DIP2A: variants seen among roughly 807,000 people sequenced by gnomAD.
DIP2A encodes disco-interacting protein 2 homolog A.
DIP2A carries 85 observed loss-of-function variants against 177.4 expected under a neutral mutation model. The ratio of observed to expected loss-of-function variants is 0.48; its 90% CI spans 0.40 to 0.57. DIP2A has a LOEUF of 0.57. Ranked by LOEUF, DIP2A falls within the 20% of genes least tolerant of loss-of-function variation. The pLI is 0.00. For missense variants in DIP2A, 1,791 were observed against 2,100.2 expected (o/e 0.85, Z 2.88); for synonymous variants, 886 against 881.8 (o/e 1.00, Z -0.08).
intron 3 of DIP2A, among the ~76,000 whole-genome samples, chr21:46,495,244 T>TTCTCTCTCTCTCTCTCTCTCTCTCTCTC (rs371550332): frequency 2.6e-5 from 1 of 38,176 alleles, no homozygotes; most frequent in Non-Finnish European, 4.9e-5. Context: ...CTTCTCTTCT[T>TTCTCTCTCTCTCTCTCTCTCTCTCTCTC]TCTCTCTCTC....
chr21:46,548,627 G>A (rs141677741), intron 21 of DIP2A, among the ~76,000 whole-genome samples: 41 of 152,358 alleles, frequency 2.7e-4, no homozygotes, highest in African/African-American at 9.9e-4. Flanking sequence ...AAGGTGGAAA[G>A]TCAGATTAGG....
At chr21:46,475,936 T>C (rs1294183148) in intron 1 of DIP2A, among the ~76,000 whole-genome samples, 3 of 152,170 alleles carry the variant, frequency 2.0e-5, no homozygotes, top group African/African-American at 7.2e-5. Flanking sequence ...ATATTATGTT[T>C]TAAAAATTAT....
chr21:46,582,526 A>C, the DIP2A span, among the ~76,000 whole-genome samples: 1 of 152,186 alleles, frequency 6.6e-6, no homozygotes, highest in African/African-American at 2.4e-5. Context: ...CAGGTAGCAC[A>C]ATCAGTCACT....
Position 46,566,636 on chromosome 21 carries a change from C to A in DIP2A, c.4416C>A (p.Ile1472=). ...TCAGAGGCATGCGGTACCACCCCATCGACATTGAGACCTCTGTCATCCGAG... is the reference window on the plus strand; with the variant it reads ...TCAGAGGCATGCGGTACCACCCCATAGACATTGAGACCTCTGTCATCCGAG... ...LELRGMRYHP[I]DIETSVIRAH... is the part of the protein sequence containing the mutation. The change falls in exon 37 of 38, where the codon ATC becomes ATA. Residue 1472 remains isoleucine, a synonymous_variant. Coordinates refer to ENST00000417564, the MANE Select transcript of DIP2A (RefSeq NM_015151.4). 6.2e-7 allele frequency: 1 copy of A among 1,614,218 alleles called. No individual in the cohort carries two copies. The highest frequency in any genetic ancestry group is 8.5e-7 in the Non-Finnish European group (1 of 1,180,030).
chr21:46,493,887 TC>T (rs1169657479), intron 3 of DIP2A, among the ~76,000 whole-genome samples: 1 of 152,172 alleles, frequency 6.6e-6, no homozygotes, highest in African/African-American at 2.4e-5. Flanking sequence ...ATAGTCGAGC[TC>T]CAGAAATTCT....
At chr21:46,558,590 G>C in intron 32 of DIP2A, 197 bp downstream of exon 32, 1 of 618,968 alleles carries the variant, frequency 1.6e-6, no homozygotes, top group Middle Eastern at 2.6e-4. Context: ...TTGGAGAAAG[G>C]CTTATTTGGA....
chr21:46,467,218 C>G (rs1191993808), intron 1 of DIP2A, among the ~76,000 whole-genome samples: 2 of 148,988 alleles, frequency 1.3e-5, no homozygotes, highest in Non-Finnish European at 3.0e-5. Context: ...ATGGCGTGAA[C>G]CTGGGAGGCG....
intron 1 of DIP2A, among the ~76,000 whole-genome samples, chr21:46,479,760 T>C (rs1165739288): frequency 6.6e-6 from 1 of 152,182 alleles, no homozygotes; most frequent in Non-Finnish European, 1.5e-5. Context: ...TTCTAACTCT[T>C]GGGCTCAAGC....
intron 22 of DIP2A, 184 bp downstream of exon 22, chr21:46,550,069 G>T: frequency 7.2e-7 from 1 of 1,393,924 alleles, no homozygotes; most frequent in Non-Finnish European, 9.4e-7. Context: ...ACAAAGTGAT[G>T]TTATAATTTA....
rs1023698646 is a variant in DIP2A at position 46,556,835 on chromosome 21, C to G, written c.3499-104C>G. On this transcript the variant is annotated intron_variant, in intron 29 of 37. Coordinates refer to ENST00000417564, the MANE Select transcript of DIP2A (RefSeq NM_015151.4). The surrounding 1 kb of genome is among the most constrained non-coding windows in gnomAD (Gnocchi z 4.5). ...GAAATAAATATGATGTTTGGTAGTT[C>G]GGAGCTATGGTCTAGCCATGTGAAC... The G allele has an allele frequency of 9.9e-6, 10 of 1,014,878 alleles. No homozygotes were observed. Among genetic ancestry groups the G allele is most frequent in the Non-Finnish European group, 1.2e-5 (9 of 723,474 alleles). The allele number at this position is 1,014,878 out of a possible 1,614,324, so 62.9% of individuals were successfully genotyped here.
chr21:46,486,573 A>T (rs900945852), intron 2 of DIP2A, among the ~76,000 whole-genome samples: 1 of 152,218 alleles, frequency 6.6e-6, no homozygotes, highest in African/African-American at 2.4e-5. Flanking sequence ...ATGGATGAAG[A>T]TTCAAATAGG....
At chr21:46,579,360 C>A in the DIP2A span, among the ~76,000 whole-genome samples, 1 of 152,062 alleles carries the variant, frequency 6.6e-6, no homozygotes, top group African/African-American at 2.4e-5. Context: ...CTTTGTCTAG[C>A]TAGCAGTCTA....
In DIP2A at chr21:46,537,439, C is replaced by T; in HGVS notation, c.1708-7C>T. On this transcript the variant is annotated splice_polypyrimidine_tract_variant and splice_region_variant and intron_variant, in intron 14 of 37. Coordinates refer to ENST00000417564, the MANE Select transcript of DIP2A (RefSeq NM_015151.4). The surrounding 1 kb of genome is among the most constrained non-coding windows in gnomAD (Gnocchi z 4.1). Reference sequence around the variant, plus strand: ...CACTCGCCCTAAGCATGTGTGCTCCCCCACAGAGCGTCATGAACAGGATGC... The same window carrying T: ...CACTCGCCCTAAGCATGTGTGCTCCTCCACAGAGCGTCATGAACAGGATGC... The T allele has an allele frequency of 6.2e-7, 1 of 1,614,088 alleles. No homozygotes were observed. The highest frequency in any genetic ancestry group is 8.5e-7 in the Non-Finnish European group (1 of 1,179,970).
chr21:46,467,797 T>C (rs1487360056), intron 1 of DIP2A, among the ~76,000 whole-genome samples: 2 of 152,084 alleles, frequency 1.3e-5, no homozygotes, highest in East Asian at 1.9e-4. Context: ...GTACAAAATT[T>C]TGATTTCTAA....
chr21:46,520,107 C>T (rs1416247837), intron 8 of DIP2A, among the ~76,000 whole-genome samples: 1 of 151,978 alleles, frequency 6.6e-6, no homozygotes, highest in Non-Finnish European at 1.5e-5. Context: ...ATCTCCTGAC[C>T]TTGTGATACA....
chr21:46,581,704 G>T, the DIP2A span, among the ~76,000 whole-genome samples: 1 of 152,056 alleles, frequency 6.6e-6, no homozygotes, highest in Admixed American at 6.6e-5. Context: ...CTGTAGGGTT[G>T]CTGCAGTTTG....
rs754277204 is a variant in DIP2A, at chr21:46,561,892, G to A, written c.4089+87G>A. ...CCCCGTGGAGGGTGCTGGGGGCTGC[G>A]GCTCTGATGAACACAGGTCGACTTC... is the stretch of plus-strand genomic sequence containing the variant. On this transcript the variant is annotated intron_variant, in intron 34 of 37. Transcript: ENST00000417564. The A allele has an allele frequency of 1.7e-4, 263 of 1,569,984 alleles. No individual in the cohort carries two copies. In the African/African-American group the frequency reaches 1.9e-3, roughly 11 times the overall value.
intron 8 of DIP2A, among the ~76,000 whole-genome samples, chr21:46,516,367 C>T (rs2058572525): frequency 6.6e-6 from 1 of 151,644 alleles, no homozygotes; most frequent in South Asian, 2.1e-4. Flanking sequence ...TATACTTTTT[C>T]CCTGAGTCCT....
At chr21:46,536,019 C>T (rs1191358828) in intron 13 of DIP2A, among the ~76,000 whole-genome samples, 1 of 152,178 alleles carries the variant, frequency 6.6e-6, no homozygotes, top group East Asian at 1.9e-4. Context: ...AACTCCCATG[C>T]CAATGAGTAA....
Sources: gnomAD v4.1 joint callset for allele counts (sites outside exome capture counted in the v4.1 genomes callset) on GRCh38, gnomAD v4.1.1 for gene constraint, Gnocchi (gnomAD v3.1) non-coding constraint, MANE v1.5 for transcripts, NCBI Gene and HGNC (gene_info 2026-07-23, HGNC 2026-07-21) for gene names.